Variants in GPC6 observed in about 807,000 individuals in gnomAD.
GPC6 encodes glypican-6.
Under a neutral mutation model 55.2 loss-of-function variants are expected in GPC6, and 14 were observed. That is an observed-to-expected ratio of 0.25 (90% CI 0.17 to 0.40). The LOEUF (loss-of-function observed/expected upper bound fraction) is 0.40, where lower values mean the gene tolerates loss of function less well. Ranked by LOEUF, GPC6 falls within the 10% of genes least tolerant of loss-of-function variation. The pLI is 1.00. For missense variants in GPC6, 641 were observed against 708.5 expected (o/e 0.90, Z 1.08); for synonymous variants, 278 against 259.6 (o/e 1.07, Z -0.68).
chr13:93,493,697 C>T (rs1355213817), intron 1 of GPC6, among the ~76,000 whole-genome samples: 15 of 136,056 alleles, frequency 1.1e-4, no homozygotes, highest in Admixed American at 3.0e-4. Flanking sequence ...GCATTGAATG[C>T]GTCCCAGAGA....
At chr13:93,473,818 T>A (rs958851680) in intron 1 of GPC6, among the ~76,000 whole-genome samples, 3 of 152,006 alleles carry the variant, frequency 2.0e-5, no homozygotes, top group Non-Finnish European at 2.9e-5. Context: ...CAGGCAAGAG[T>A]GGCGACACAG....
At chr13:93,462,148 A>G (rs1878714584) in intron 1 of GPC6, among the ~76,000 whole-genome samples, 1 of 152,194 alleles carries the variant, frequency 6.6e-6, no homozygotes, top group Non-Finnish European at 1.5e-5. Flanking sequence ...ACATATGGTC[A>G]AAAATAGCTT....
intron 1 of GPC6, among the ~76,000 whole-genome samples, chr13:93,335,889 T>A (rs1247678406): frequency 6.6e-6 from 1 of 152,190 alleles, no homozygotes; most frequent in Non-Finnish European, 1.5e-5. Flanking sequence ...TTAGACTGCC[T>A]TGTAGTTCTA....
At chr13:93,906,953 T>C (rs543680601) in intron 3 of GPC6, among the ~76,000 whole-genome samples, 2 of 152,308 alleles carry the variant, frequency 1.3e-5, no homozygotes, top group East Asian at 3.9e-4. Context: ...GTTTTTTGAA[T>C]GCCTGTCAAA....
intron 1 of GPC6, among the ~76,000 whole-genome samples, chr13:93,372,154 C>T (rs1874681613): frequency 6.6e-6 from 1 of 152,170 alleles, no homozygotes; most frequent in African/African-American, 2.4e-5. Context: ...GCCTGTTATA[C>T]ACAAGAGGCT....
At chr13:93,934,461 C>T (rs1878331742) in intron 3 of GPC6, among the ~76,000 whole-genome samples, 2 of 151,970 alleles carry the variant, frequency 1.3e-5, no homozygotes, top group African/African-American at 2.4e-5. Flanking sequence ...GGTAAAATCC[C>T]CTTAAGTAAA....
chr13:94,286,149 T>C (rs541814699), intron 4 of GPC6, among the ~76,000 whole-genome samples, 200 bp from the exon 5 acceptor site: 1 of 152,340 alleles, frequency 6.6e-6, no homozygotes, highest in Admixed American at 6.5e-5. Flanking sequence ...TCTAGACATA[T>C]AAAATAATTT....
chr13:94,289,511 G>C (rs894682373), intron 5 of GPC6, among the ~76,000 whole-genome samples: 1 of 152,118 alleles, frequency 6.6e-6, no homozygotes, highest in Non-Finnish European at 1.5e-5. Flanking sequence ...TCCAATGTCT[G>C]AAATCACTCC....
intron 1 of GPC6, among the ~76,000 whole-genome samples, chr13:93,404,070 T>G (rs1876194115): frequency 6.6e-6 from 1 of 152,158 alleles, no homozygotes; most frequent in Non-Finnish European, 1.5e-5. Flanking sequence ...CAAAATTGTT[T>G]CCTGTTACCT....
intron 2 of GPC6, among the ~76,000 whole-genome samples, chr13:93,631,336 T>C (rs1879420729): frequency 6.6e-6 from 1 of 152,144 alleles, no homozygotes; most frequent in Non-Finnish European, 1.5e-5. Flanking sequence ...CCAGTGCAGG[T>C]CGGTTGGAGT....
At chr13:93,219,538 C>T in the GPC6 span, among the ~76,000 whole-genome samples, 1 of 152,080 alleles carries the variant, frequency 6.6e-6, no homozygotes, top group Non-Finnish European at 1.5e-5. Context: ...ATTTTATTGA[C>T]TTCCATATAC....
At chr13:94,109,167 C>T (rs547962979) in intron 4 of GPC6, among the ~76,000 whole-genome samples, 10 of 152,288 alleles carry the variant, frequency 6.6e-5, no homozygotes, top group African/African-American at 2.4e-4. Flanking sequence ...TTGCAATAAG[C>T]AGAGATCGTT....
intron 4 of GPC6, among the ~76,000 whole-genome samples, chr13:94,094,461 C>T (rs1290685716): frequency 1.3e-5 from 2 of 152,084 alleles, no homozygotes; most frequent in East Asian, 1.9e-4. Context: ...ATAAAACCTA[C>T]ACATGGTTTG....
At chr13:94,282,490 T>C (rs1324473405) in intron 4 of GPC6, among the ~76,000 whole-genome samples, 1 of 152,170 alleles carries the variant, frequency 6.6e-6, no homozygotes, top group Non-Finnish European at 1.5e-5. Flanking sequence ...ATGGAGTTTA[T>C]GGGAACTACA....
intron 3 of GPC6, among the ~76,000 whole-genome samples, chr13:93,833,094 G>C (rs1026149849): frequency 7.2e-6 from 1 of 138,822 alleles, no homozygotes; most frequent in Non-Finnish European, 1.6e-5. Flanking sequence ...TGGATGGGTA[G>C]ATAGGTAGAT....
At chr13:93,459,813 C>T (rs1878613068) in intron 1 of GPC6, among the ~76,000 whole-genome samples, 1 of 152,140 alleles carries the variant, frequency 6.6e-6, no homozygotes, top group South Asian at 2.1e-4. Flanking sequence ...AGAATTAGTG[C>T]TACTGGATTT....
intron 1 of GPC6, among the ~76,000 whole-genome samples, chr13:93,407,260 T>C (rs1251750549): frequency 1.3e-5 from 2 of 152,226 alleles, no homozygotes; most frequent in Non-Finnish European, 2.9e-5. Context: ...TGTATATTTT[T>C]TATTTAGAGA....
At chr13:93,950,264 A>G (rs1287924630) in intron 3 of GPC6, among the ~76,000 whole-genome samples, 1 of 152,228 alleles carries the variant, frequency 6.6e-6, no homozygotes, top group Admixed American at 6.5e-5. Flanking sequence ...CAAACAGGAA[A>G]TAATGAAAAC....
chr13:93,515,460 C>G (rs1430310511), intron 1 of GPC6, among the ~76,000 whole-genome samples: 3 of 152,122 alleles, frequency 2.0e-5, no homozygotes, highest in Non-Finnish European at 2.9e-5. Flanking sequence ...GTCTATTCAG[C>G]AATTTCTTTT....
Sources: allele counts gnomAD v4.1 joint callset (sites outside exome capture counted in the v4.1 genomes callset), GRCh38; gene constraint gnomAD v4.1.1; transcripts MANE v1.5; gene names NCBI Gene and HGNC (gene_info 2026-07-23, HGNC 2026-07-21).